Variants in MAGI1 observed in about 807,000 individuals in gnomAD.
MAGI1 encodes membrane associated guanylate kinase, WW and PDZ domain containing 1, also known as membrane-associated guanylate kinase, WW and PDZ domain-containing protein 1.
Under a neutral mutation model 139.9 loss-of-function variants are expected in MAGI1, and 58 were observed. The observed-to-expected ratio is 0.41, with a 90% CI of 0.34 to 0.52. The LOEUF is 0.52. Ranked by LOEUF, MAGI1 falls within the 20% of genes least tolerant of loss-of-function variation. The probability of loss-of-function intolerance (pLI) is 0.12; values close to 1 mark genes in which losing one functional copy is unlikely to be tolerated. For missense variants in MAGI1, 1,874 were observed against 1,901.6 expected (o/e 0.99, Z 0.27); for synonymous variants, 812 against 737.9 (o/e 1.10, Z -1.63).
rs151300036 is a variant in MAGI1 at position 65,574,530 on chromosome 3, C to T, written c.430+47442G>A. Among the ~76,000 whole-genome samples the T allele has an allele frequency of 6.4e-3, 969 of 151,450 alleles. 7 individuals are homozygous for T. Among genetic ancestry groups the T allele is most frequent in the African/African-American group, 0.021 (880 of 41,316 alleles). On this transcript the variant is annotated intron_variant, in intron 2 of 22. Coordinates refer to ENST00000402939, the MANE Select transcript of MAGI1 (RefSeq NM_001033057.2). ...ATACTTTTAAAATGTCCATTCTCCA[C>T]ATATTCATCTATATCTAGATATTCA...
intron 1 of MAGI1, among the ~76,000 whole-genome samples, chr3:65,658,368 G>T (rs1315176564): frequency 2.0e-5 from 3 of 152,154 alleles, no homozygotes; most frequent in East Asian, 3.9e-4. Flanking sequence ...AAAACCAAAT[G>T]ATCTGGTAAA....
chr3:65,889,052 T>C (rs1030523345), intron 1 of MAGI1, among the ~76,000 whole-genome samples: 4 of 152,210 alleles, frequency 2.6e-5, no homozygotes, highest in East Asian at 3.8e-4. Flanking sequence ...CTATTCATTA[T>C]CAGATTCATA....
intron 2 of MAGI1, among the ~76,000 whole-genome samples, chr3:65,495,050 C>A (rs1419260210): frequency 6.6e-6 from 1 of 152,168 alleles, no homozygotes; most frequent in Non-Finnish European, 1.5e-5. Context: ...CCTCCCCTGG[C>A]AGGTGATGAC....
chr3:65,820,342 T>C (rs1020533795), intron 1 of MAGI1, among the ~76,000 whole-genome samples: 7 of 152,206 alleles, frequency 4.6e-5, no homozygotes, highest in African/African-American at 1.7e-4. Context: ...CTGAGATTTA[T>C]CCAGGATTTC....
At position 65,354,934 on chromosome 3, in the gene MAGI1, A is replaced by G. The variant is rs1390019713; in HGVS notation, c.*1444T>C. On this transcript the variant is annotated 3_prime_UTR_variant, in exon 23 of 23. Coordinates refer to ENST00000402939, the MANE Select transcript of MAGI1 (RefSeq NM_001033057.2). ...TTTTTCTTACAGTACCATGGGAACA[A>G]CAGTGATTGACTTGCAAAGTTTTCT... 6.6e-6 allele frequency: 1 copy of G among 151,762 alleles called. No individual in the cohort carries two copies. The highest frequency in any genetic ancestry group is 2.1e-4 in the South Asian group (1 of 4,790). The allele number at this position is 151,762 out of a possible 1,614,324, so 9.4% of individuals were successfully genotyped here.
chr3:65,936,104 T>C (rs1457291852), intron 1 of MAGI1, among the ~76,000 whole-genome samples: 1 of 152,124 alleles, frequency 6.6e-6, no homozygotes, highest in African/African-American at 2.4e-5. Flanking sequence ...CAGGACCAGG[T>C]TAAGGACTTC....
chr3:65,391,450 T>G, intron 13 of MAGI1, 92 bp from the exon 14 acceptor site: 1 of 1,007,824 alleles, frequency 9.9e-7, no homozygotes, highest in South Asian at 1.5e-5. Flanking sequence ...TGTTTAGCAC[T>G]TTTGCATACA....
At chr3:66,023,494 A>G (rs2068070251) in intron 1 of MAGI1, among the ~76,000 whole-genome samples, 1 of 152,318 alleles carries the variant, frequency 6.6e-6, no homozygotes, top group East Asian at 1.9e-4. Context: ...AGAACAATCC[A>G]TTATGCAGGC....
intron 1 of MAGI1, among the ~76,000 whole-genome samples, chr3:65,693,471 G>A (rs73129876): frequency 0.12 from 18,288 of 152,052 alleles, 1,655 homozygotes; most frequent in East Asian, 0.43. Context: ...AATTGCCCAC[G>A]TTTCTAAGAA....
At chr3:65,681,345 C>T (rs559347942) in intron 1 of MAGI1, among the ~76,000 whole-genome samples, 3 of 152,144 alleles carry the variant, frequency 2.0e-5, no homozygotes, top group Non-Finnish European at 2.9e-5. Flanking sequence ...CCATTTCTCA[C>T]GAGAGTCCCT....
chr3:65,848,491 T>C (rs2059085616), intron 1 of MAGI1, among the ~76,000 whole-genome samples: 1 of 152,110 alleles, frequency 6.6e-6, no homozygotes, highest in Non-Finnish European at 1.5e-5. Context: ...CAGGCAATCT[T>C]TAATTAAAAT....
chr3:65,946,049 A>C lies in MAGI1; in HGVS notation c.313+91947T>G, dbSNP rs117740205. ...TGCTCTCTAATTTATGTTTTACTTA[A>C]GAGGAAATGCACCTTAGAAAGCTCT... On this transcript the variant is annotated intron_variant, in intron 1 of 22. Coordinates refer to ENST00000402939, the MANE Select transcript of MAGI1 (RefSeq NM_001033057.2). Among the ~76,000 whole-genome samples, 288 of 152,344 alleles carry C rather than the reference A, an allele frequency of 1.9e-3. 1 individual carries two copies. The East Asian group carries it at 0.023, about 12-fold the overall frequency.
chr3:65,706,774 A>C (rs1218719086), intron 1 of MAGI1, among the ~76,000 whole-genome samples: 3 of 152,146 alleles, frequency 2.0e-5, no homozygotes, highest in Non-Finnish European at 4.4e-5. Context: ...TGGGGGGAAC[A>C]GTATGGGATG....
intron 12 of MAGI1, among the ~76,000 whole-genome samples, chr3:65,416,214 T>A (rs749938520): frequency 7.6e-4 from 115 of 152,192 alleles, no homozygotes; most frequent in Non-Finnish European, 1.1e-3. Flanking sequence ...TGCATACCGA[T>A]TGCAAAAATA....
chr3:65,467,981 A>G (rs1156870092), intron 5 of MAGI1, among the ~76,000 whole-genome samples: 1 of 152,200 alleles, frequency 6.6e-6, no homozygotes, highest in East Asian at 1.9e-4. Flanking sequence ...GTGATCACTA[A>G]TTACTACTAG....
At chr3:65,567,567 T>C (rs1019288273) in intron 2 of MAGI1, among the ~76,000 whole-genome samples, 10 of 152,212 alleles carry the variant, frequency 6.6e-5, no homozygotes, top group African/African-American at 2.4e-4. Flanking sequence ...CTGGGCACAG[T>C]GGCTCACACC....
chr3:66,004,160 G>T (rs965535240), intron 1 of MAGI1, among the ~76,000 whole-genome samples: 1 of 152,106 alleles, frequency 6.6e-6, no homozygotes, highest in Non-Finnish European at 1.5e-5. Context: ...CTCTCTCTCT[G>T]GTTACTAATG....
At chr3:65,984,659 G>T (rs1019411630) in intron 1 of MAGI1, among the ~76,000 whole-genome samples, 2 of 149,818 alleles carry the variant, frequency 1.3e-5, no homozygotes, top group Non-Finnish European at 3.0e-5. Flanking sequence ...CCTTACTCTC[G>T]GGAGTAGCTG....
chr3:65,399,687 T>C (rs945588441), intron 13 of MAGI1, among the ~76,000 whole-genome samples: 1 of 152,242 alleles, frequency 6.6e-6, no homozygotes, highest in Admixed American at 6.5e-5. Context: ...TGCTTGCTAA[T>C]GATATGGCTT....
Sources: allele counts gnomAD v4.1 joint callset (sites outside exome capture counted in the v4.1 genomes callset), GRCh38; gene constraint gnomAD v4.1.1; transcripts MANE v1.5; gene names NCBI Gene and HGNC (gene_info 2026-07-23, HGNC 2026-07-21).